The following CACNB2 variants were observed in gnomAD, a reference collection of about 807,000 sequenced individuals.
The protein encoded by CACNB2 is voltage-dependent L-type calcium channel subunit beta-2.
In CACNB2, 42 loss-of-function variants were observed where a neutral mutation model predicts 73.3. The ratio of observed to expected loss-of-function variants is 0.57; its 90% CI spans 0.45 to 0.74. The LOEUF is 0.74. Ranked by LOEUF, CACNB2 falls within the 30% of genes least tolerant of loss-of-function variation. CACNB2 has a pLI of 0.00. For missense variants in CACNB2, 940 were observed against 853.0 expected, an observed-to-expected ratio of 1.10 and a Z score of -1.27; for synonymous variants, 348 against 310.3, an observed-to-expected ratio of 1.12 and a Z score of -1.28.
chr10:18,164,798 T>C (rs537675443), intron 2 of CACNB2, among the ~76,000 whole-genome samples: 35 of 152,232 alleles, frequency 2.3e-4, no homozygotes, highest in African/African-American at 8.4e-4. Flanking sequence ...TATGAAACTA[T>C]TTCTCTGACC....
intron 2 of CACNB2, among the ~76,000 whole-genome samples, chr10:18,290,323 G>A (rs1047448169): frequency 3.3e-5 from 5 of 151,340 alleles, no homozygotes; most frequent in Non-Finnish European, 7.4e-5. Flanking sequence ...CACTGAGCCT[G>A]GCCTCCTTTT....
chr10:18,520,584 ACTT>A (rs1335185157), intron 9 of CACNB2, among the ~76,000 whole-genome samples: 2 of 152,076 alleles, frequency 1.3e-5, no homozygotes, highest in Non-Finnish European at 2.9e-5. Flanking sequence ...CCATCCAGTG[ACTT>A]CTTTTTTTCC....
intron 2 of CACNB2, among the ~76,000 whole-genome samples, chr10:18,258,125 T>C (rs1050724929): frequency 6.6e-6 from 1 of 152,230 alleles, no homozygotes; most frequent in Non-Finnish European, 1.5e-5. Flanking sequence ...AGCACAGCAC[T>C]GAGCAAACAG....
chr10:18,175,473 C>T (rs887024189), intron 2 of CACNB2, among the ~76,000 whole-genome samples: 2 of 152,152 alleles, frequency 1.3e-5, no homozygotes, highest in African/African-American at 4.8e-5. Context: ...GAGGAACACT[C>T]GTTTTATGAA....
At chr10:18,516,970 A>G (rs1215730941) in intron 7 of CACNB2, among the ~76,000 whole-genome samples, 2 of 152,202 alleles carry the variant, frequency 1.3e-5, no homozygotes, top group Admixed American at 1.3e-4. Context: ...ACTACGGGTA[A>G]AATCTCAGAT....
chr10:18,367,364 C>A (rs371984095), intron 2 of CACNB2, among the ~76,000 whole-genome samples: 1 of 152,084 alleles, frequency 6.6e-6, no homozygotes, highest in African/African-American at 2.4e-5. Flanking sequence ...TATCTTCACA[C>A]GTCTTCTGAA....
At chr10:18,175,460 T>A (rs1465522577) in intron 2 of CACNB2, among the ~76,000 whole-genome samples, 3 of 152,342 alleles carry the variant, frequency 2.0e-5, no homozygotes, top group Admixed American at 6.5e-5. Context: ...CAATTTTTTT[T>A]ATGAGGAACA....
chr10:18,487,980 T>C (rs1200395536), intron 3 of CACNB2, among the ~76,000 whole-genome samples: 1 of 151,554 alleles, frequency 6.6e-6, no homozygotes, highest in East Asian at 2.0e-4. Context: ...TCATGCAAAT[T>C]GTACTTTTAG....
chr10:18,502,044 C>T (rs1055944252), intron 5 of CACNB2, among the ~76,000 whole-genome samples: 1 of 152,214 alleles, frequency 6.6e-6, no homozygotes, highest in African/African-American at 2.4e-5. Context: ...CATGGTGGCT[C>T]ATGCCTGTAA....
At chr10:18,343,591 A>T (rs1453879413) in intron 2 of CACNB2, among the ~76,000 whole-genome samples, 2 of 152,232 alleles carry the variant, frequency 1.3e-5, no homozygotes, top group Non-Finnish European at 2.9e-5. Context: ...TCCTAGAGTT[A>T]TTCAGGGAAG....
At chr10:18,203,473 A>G (rs1364224839) in intron 2 of CACNB2, among the ~76,000 whole-genome samples, 1 of 152,210 alleles carries the variant, frequency 6.6e-6, no homozygotes, top group Admixed American at 6.5e-5. Context: ...AGCTTTCCTT[A>G]TAAAGGTAGC....
At chr10:18,466,032 TTATC>T (rs2047864349) in intron 3 of CACNB2, among the ~76,000 whole-genome samples, 1 of 152,102 alleles carries the variant, frequency 6.6e-6, no homozygotes, top group Non-Finnish European at 1.5e-5. Flanking sequence ...CTTAATAAAA[TTATC>T]TAAACCTCCC....
At chr10:18,238,854 C>T (rs2036544568) in intron 2 of CACNB2, among the ~76,000 whole-genome samples, 1 of 152,166 alleles carries the variant, frequency 6.6e-6, no homozygotes, top group African/African-American at 2.4e-5. Flanking sequence ...GTAAACCATT[C>T]AACTATTTTT....
chr10:18,437,556 G>A (rs77514429), intron 3 of CACNB2, among the ~76,000 whole-genome samples: 171 of 152,272 alleles, frequency 1.1e-3, no homozygotes, highest in African/African-American at 3.8e-3. Context: ...CTGGAAAATG[G>A]CAGGCATCAT....
intron 2 of CACNB2, among the ~76,000 whole-genome samples, chr10:18,363,655 T>C (rs2042229899): frequency 1.3e-5 from 2 of 152,144 alleles, no homozygotes; most frequent in African/African-American, 4.8e-5. Context: ...TGTATATGAC[T>C]AGACAATGTG....
chr10:18,462,310 G>A (rs1404718489), intron 3 of CACNB2, among the ~76,000 whole-genome samples: 2 of 152,216 alleles, frequency 1.3e-5, no homozygotes, highest in African/African-American at 2.4e-5. Flanking sequence ...CTGGAGTGCA[G>A]TGGTACAATC....
intron 2 of CACNB2, among the ~76,000 whole-genome samples, chr10:18,252,594 G>T (rs1564378070): frequency 1.3e-5 from 2 of 151,880 alleles, no homozygotes; most frequent in East Asian, 3.9e-4. Context: ...ATTTATCCTT[G>T]TAAATTGCCT....
At chr10:18,250,513 A>G (rs1334572138) in intron 2 of CACNB2, among the ~76,000 whole-genome samples, 3 of 147,034 alleles carry the variant, frequency 2.0e-5, no homozygotes, top group Admixed American at 1.4e-4. Flanking sequence ...AGGTCTGCCT[A>G]TTGTCAATTT....
chr10:18,333,729 A>C (rs2040893630), intron 2 of CACNB2, among the ~76,000 whole-genome samples: 1 of 152,230 alleles, frequency 6.6e-6, no homozygotes, highest in Non-Finnish European at 1.5e-5. Flanking sequence ...GTATAATCAA[A>C]GATGACACTG....
Sources: allele counts gnomAD v4.1 joint callset (sites outside exome capture counted in the v4.1 genomes callset), GRCh38; gene constraint gnomAD v4.1.1; transcripts MANE v1.5; gene names NCBI Gene and HGNC (gene_info 2026-07-23, HGNC 2026-07-21).